Variants in SPIRE1 observed in about 807,000 individuals in gnomAD.
SPIRE1 encodes the protein protein spire homolog 1.
In SPIRE1, 40 loss-of-function variants were observed where a neutral mutation model predicts 94.1. The observed-to-expected ratio is 0.43, with a 90% confidence interval of 0.33 to 0.55. SPIRE1 has a LOEUF of 0.55. SPIRE1 is among the 20% of genes least tolerant of loss of function. SPIRE1 has a pLI of 0.06. For missense variants in SPIRE1, 838 were observed against 975.2 expected, an observed-to-expected ratio of 0.86 and a Z score of 1.87; for synonymous variants, 376 against 371.7, an observed-to-expected ratio of 1.01 and a Z score of -0.13.
At chr18:12,518,499 CAA>C (rs71172094) in intron 4 of SPIRE1, among the ~76,000 whole-genome samples, 5 of 134,940 alleles carry the variant, frequency 3.7e-5, no homozygotes. Flanking sequence ...CTCACACACA[CAA>C]AAAAAAAAAA....
chr18:12,625,799 T>C (rs2037604533), intron 2 of SPIRE1, among the ~76,000 whole-genome samples: 1 of 152,160 alleles, frequency 6.6e-6, no homozygotes, highest in Admixed American at 6.6e-5. Flanking sequence ...TCCCAGCACT[T>C]TGGGAGGCCA....
At chr18:12,544,182 T>A (rs4797695) in intron 3 of SPIRE1, among the ~76,000 whole-genome samples, 4,859 of 151,730 alleles carry the variant, frequency 0.032, 186 homozygotes, top group Admixed American at 0.072. Context: ...CTTAAAAAAA[T>A]TTTTTTTCTT....
chr18:12,646,428 G>A (rs11663018), intron 1 of SPIRE1, among the ~76,000 whole-genome samples: 3,305 of 152,102 alleles, frequency 0.022, 40 homozygotes, highest in Non-Finnish European at 0.032. Context: ...TCTTTGTATC[G>A]TCAACATCTG....
intron 2 of SPIRE1, among the ~76,000 whole-genome samples, chr18:12,583,605 AAAG>A (rs1375276910): frequency 6.6e-5 from 10 of 151,790 alleles, no homozygotes; most frequent in African/African-American, 1.5e-4. Context: ...CGTCTCCAAA[AAAG>A]AAGAAGAAGA....
intron 2 of SPIRE1, among the ~76,000 whole-genome samples, chr18:12,551,410 T>C (rs2144318253): frequency 6.6e-6 from 1 of 152,266 alleles, no homozygotes; most frequent in Non-Finnish European, 1.5e-5. Context: ...TTCTTAAAAG[T>C]CTGGGTTGTG....
At chr18:12,610,643 G>C (rs550768765) in intron 2 of SPIRE1, among the ~76,000 whole-genome samples, 1 of 152,184 alleles carries the variant, frequency 6.6e-6, no homozygotes, top group Admixed American at 6.5e-5. Context: ...AAACTATACT[G>C]ACTGATCTTG....
chr18:12,556,280 ACATTCTT>A (rs1435584306), intron 2 of SPIRE1, among the ~76,000 whole-genome samples: 1 of 152,160 alleles, frequency 6.6e-6, no homozygotes, highest in Admixed American at 6.5e-5. Flanking sequence ...AATACCAATG[ACATTCTT>A]CATAGAAATA....
intron 6 of SPIRE1, among the ~76,000 whole-genome samples, chr18:12,505,993 T>C (rs189398814): frequency 9.8e-5 from 15 of 152,340 alleles, no homozygotes; most frequent in Admixed American, 8.5e-4. Context: ...GGTTATGGAA[T>C]TACATGTTTG....
In SPIRE1 at chr18:12,657,428, G is replaced by A. The variant is rs915623749; in HGVS notation, c.337+102C>T. 7 of 976,364 alleles carry A rather than the reference G, an allele frequency of 7.2e-6. No individual in the cohort carries two copies. The East Asian group carries it at 1.8e-4, about 25-fold the overall frequency. The allele number at this position is 976,364 out of a possible 1,614,324, so 60.5% of individuals were successfully genotyped here. ...CCCGGGGGTCTCCCGTGGCAAAATG[G>A]GGGGGGACGGCGGGGGCGGAAGGGC... On this transcript the variant is annotated intron_variant, in intron 1 of 16. Coordinates refer to ENST00000409402, the MANE Select transcript of SPIRE1 (RefSeq NM_001128626.2).
intron 4 of SPIRE1, among the ~76,000 whole-genome samples, chr18:12,518,718 C>A (rs902533886): frequency 5.4e-5 from 8 of 148,848 alleles, no homozygotes; most frequent in East Asian, 2.0e-4. Context: ...AAAAACAAAA[C>A]AAAAAAAAAC....
rs145891292 is a variant in SPIRE1, at chr18:12,536,113, G to A, written c.604-512C>T. ...GAAAAGTGGTCCACTAACTAACAGA[G>A]ACCCAACAGCACAGATGAGCTTACT... On this transcript the variant is annotated intron_variant, in intron 3 of 16. Coordinates refer to ENST00000409402, the MANE Select transcript of SPIRE1 (RefSeq NM_001128626.2). Among the ~76,000 whole-genome samples the A allele has an allele frequency of 3.9e-5, 6 of 152,228 alleles. No individual in the cohort carries two copies. The East Asian group carries it at 1.2e-3, about 29-fold the overall frequency.
At chr18:12,588,902 A>C (rs2036457309) in intron 2 of SPIRE1, among the ~76,000 whole-genome samples, 1 of 152,178 alleles carries the variant, frequency 6.6e-6, no homozygotes, top group Non-Finnish European at 1.5e-5. Context: ...ACAACTCTCA[A>C]GGTACAAACA....
At chr18:12,660,850 C>G (rs1328936181), upstream of SPIRE1, among the ~76,000 whole-genome samples, 1 of 151,902 alleles carries the variant, frequency 6.6e-6, no homozygotes, top group Non-Finnish European at 1.5e-5. Context: ...GGAAAGATGA[C>G]AAGTAGAATA....
chr18:12,589,244 C>T (rs1319318560), intron 2 of SPIRE1, among the ~76,000 whole-genome samples: 1 of 152,154 alleles, frequency 6.6e-6, no homozygotes, highest in Non-Finnish European at 1.5e-5. Context: ...AAGTAAGTAA[C>T]AGAGCCAGAA....
chr18:12,494,103 G>A (rs1406763135), intron 7 of SPIRE1, among the ~76,000 whole-genome samples: 2 of 151,884 alleles, frequency 1.3e-5, no homozygotes. Context: ...TGTAGAGAGA[G>A]GGTCTCTCTA....
At position 12,559,306 on chromosome 18, in the gene SPIRE1, C is replaced by T. The variant is rs959885717; in HGVS notation, c.373-12402G>A. 3.3e-5 allele frequency among the ~76,000 whole-genome samples: 5 copies of T among 152,182 alleles called. No homozygotes were observed. The highest frequency in any genetic ancestry group is 1.3e-4 in the Admixed American group (2 of 15,288). Reference sequence around the variant, plus strand: ...GGGCCAGCAGTGCTGGGGGACCCAGCGCACCCTCCACAGCTGCTGGCGCGG... The same window carrying T: ...GGGCCAGCAGTGCTGGGGGACCCAGTGCACCCTCCACAGCTGCTGGCGCGG... On this transcript the variant is annotated intron_variant, in intron 2 of 16. Transcript: ENST00000409402. The surrounding 1 kb of genome is among the most constrained non-coding windows in gnomAD (Gnocchi z 4.7).
rs17615747 is a variant in SPIRE1 at position 12,526,619 on chromosome 18, G to A, written c.729+8857C>T. 6.5e-3 allele frequency among the ~76,000 whole-genome samples: 991 copies of A among 152,298 alleles called. 24 individuals carry two copies. Among genetic ancestry groups the A allele is most frequent in the Admixed American group, 0.05 (768 of 15,292 alleles). On this transcript the variant is annotated intron_variant, in intron 4 of 16. Coordinates refer to ENST00000409402, the MANE Select transcript of SPIRE1 (RefSeq NM_001128626.2). ...ATGAATATTAATGCACATAAAGTCAGAACAGCATTTAGCACAGAGTAAGTA... is the reference window on the plus strand; with the variant it reads ...ATGAATATTAATGCACATAAAGTCAAAACAGCATTTAGCACAGAGTAAGTA...
intron 9 of SPIRE1, among the ~76,000 whole-genome samples, chr18:12,483,240 G>A (rs1016462620): frequency 2.1e-4 from 32 of 152,150 alleles, no homozygotes; most frequent in African/African-American, 6.3e-4. Flanking sequence ...GATTATAGGC[G>A]TGAGCCACTG....
chr18:12,570,416 G>T (rs2035934223), intron 2 of SPIRE1, among the ~76,000 whole-genome samples: 1 of 152,152 alleles, frequency 6.6e-6, no homozygotes, highest in South Asian at 2.1e-4. Context: ...AACAGTAGCT[G>T]CTATTGCCTT....
Sources: allele counts gnomAD v4.1 joint callset (sites outside exome capture counted in the v4.1 genomes callset), GRCh38; gene constraint gnomAD v4.1.1; non-coding constraint Gnocchi (gnomAD v3.1); transcripts MANE v1.5; gene names NCBI Gene and HGNC (gene_info 2026-07-23, HGNC 2026-07-21).